SPTB: variants seen among roughly 807,000 people sequenced by gnomAD.
SPTB encodes spectrin beta, erythrocytic, also known as spectrin beta chain, erythrocytic.
SPTB carries 45 observed loss-of-function variants against 256.2 expected under a neutral mutation model. The observed-to-expected ratio is 0.18, with a 90% CI of 0.14 to 0.23. The LOEUF (loss-of-function observed/expected upper bound fraction) is 0.23. SPTB is among the 10% of genes least tolerant of loss of function. The probability of loss-of-function intolerance (pLI) is 1.00; values close to 1 mark genes in which losing one functional copy is unlikely to be tolerated. For missense variants in SPTB, 2,715 were observed against 3,040.4 expected (o/e 0.89, Z 2.52); for synonymous variants, 1,231 against 1,243.1 (o/e 0.99, Z 0.21).
At position 64,775,041 on chromosome 14, in the gene SPTB, C is replaced by T; in HGVS notation, c.4842+84G>A. ...TGGCCTCACTCCTCACACAGTTGGACTCACAAGGCTCCCTACCGACAGCCA... is the reference window on the plus strand; with the variant it reads ...TGGCCTCACTCCTCACACAGTTGGATTCACAAGGCTCCCTACCGACAGCCA... On this transcript the variant is annotated intron_variant, in intron 23 of 35. Coordinates refer to ENST00000644917, the MANE Select transcript of SPTB (RefSeq NM_001355436.2). The surrounding 1 kb of genome is among the most constrained non-coding windows in gnomAD (Gnocchi z 5.0). 2.5e-6 allele frequency: 4 copies of T among 1,596,466 alleles called. No homozygotes were observed. Among genetic ancestry groups the T allele is most frequent in the Non-Finnish European group, 3.4e-6 (4 of 1,167,018 alleles).
At chr14:64,831,133 C>A (rs1361883777) in intron 1 of SPTB, among the ~76,000 whole-genome samples, 1 of 152,046 alleles carries the variant, frequency 6.6e-6, no homozygotes, top group Non-Finnish European at 1.5e-5. Context: ...ACCAACTCCC[C>A]CTCCTCAGTC....
chr14:64,847,529 T>C lies in SPTB; in HGVS notation c.-51-24384A>G, dbSNP rs562878762. ...TGGTGCTAGCTCCTTTCAAGCTACA[T>C]TGGCTTTGGATCAGAACGTCAACTC... is the stretch of plus-strand genomic sequence containing the variant. On this transcript the variant is annotated intron_variant, in intron 1 of 35. Transcript: ENST00000644917. The surrounding 1 kb of genome is among the most constrained non-coding windows in gnomAD (Gnocchi z 5.9). 6.6e-5 allele frequency among the ~76,000 whole-genome samples: 10 copies of C among 152,254 alleles called. No homozygotes were observed. The highest frequency in any genetic ancestry group is 2.0e-4 in the Admixed American group (3 of 15,294).
intron 12 of SPTB, 22 bp from the exon 13 acceptor site, chr14:64,794,639 A>G: frequency 6.2e-7 from 1 of 1,612,132 alleles, no homozygotes; most frequent in East Asian, 2.2e-5. Context: ...AACAGCAGAA[A>G]GGAAATGAGG....
chr14:64,778,847 T>A lies in SPTB; in HGVS notation c.4563+310A>T, dbSNP rs1300263764. ...CTGGATACACCGAATACACAGCTAC[T>A]GAAGCACATCAACCTCCAGGCCAGG... On this transcript the variant is annotated intron_variant, in intron 22 of 35. Transcript: ENST00000644917. This position sits in a 1 kb window ranked among gnomAD's most constrained non-coding sequence, Gnocchi z 5.2. Among the ~76,000 whole-genome samples, 8 of 152,220 alleles carry A rather than the reference T, an allele frequency of 5.3e-5. No individual in the cohort carries two copies. The highest frequency in any genetic ancestry group is 1.2e-4 in the African/African-American group (5 of 41,528).
Position 64,801,419 on chromosome 14 carries a change from T to G in SPTB, c.648-19A>C, listed in dbSNP as rs756538530. 1 of 1,586,650 alleles carries G rather than the reference T, an allele frequency of 6.3e-7. No individual in the cohort carries two copies. On this transcript the variant is annotated intron_variant, in intron 6 of 35. Coordinates refer to ENST00000644917, the MANE Select transcript of SPTB (RefSeq NM_001355436.2). The stretch of plus-strand genomic sequence containing the variant: ...GTCGGGCCTGGGGACAAAACTGGAC[T>G]GTGAAAAGGGAGTAGCCACAGCATC...
chr14:64,865,202 A>G (rs936665652), intron 1 of SPTB, among the ~76,000 whole-genome samples: 1 of 152,070 alleles, frequency 6.6e-6, no homozygotes, highest in African/African-American at 2.4e-5. Flanking sequence ...TATAGACTGT[A>G]ATGATCACTT....
Position 64,801,762 on chromosome 14 carries a change from G to A in SPTB, c.639C>T (p.His213=). ...TGTCCCCTCCCTCTTACCGGTGCTT[G>A]TGTATCAGGGCATTAAAGGCCAAGC... is the stretch of plus-strand genomic sequence containing the variant. ...KDGLAFNALI[H]KHRPDLIDFD... is the part of the protein sequence containing the mutation. The change falls in exon 6 of 36, where the codon CAC becomes CAT. Residue 213 remains histidine, a synonymous_variant. Transcript: ENST00000644917. 1.9e-6 allele frequency: 3 copies of A among 1,614,128 alleles called. No homozygotes were observed. The highest frequency in any genetic ancestry group is 1.3e-5 in the African/African-American group (1 of 75,058).
rs1478386988 is a variant in SPTB, at chr14:64,779,307, C to G, written c.4474-61G>C. ...AATCACGGCCAACCTTTCCTGAGTG[C>G]TCACCATGGGCGGCGCAGAGCTTTG... On this transcript the variant is annotated intron_variant, in intron 21 of 35. Coordinates refer to ENST00000644917, the MANE Select transcript of SPTB (RefSeq NM_001355436.2). The surrounding 1 kb of genome is among the most constrained non-coding windows in gnomAD (Gnocchi z 4.2). The G allele has an allele frequency of 1.2e-5, 17 of 1,412,370 alleles. No homozygotes were observed. The highest frequency in any genetic ancestry group is 1.7e-5 in the Non-Finnish European group (17 of 1,007,868). 87.5% of individuals were successfully genotyped at this position (1,412,370 alleles called of 1,614,324 possible).
At chr14:64,874,509 T>G (rs974736507) in intron 1 of SPTB, among the ~76,000 whole-genome samples, 1 of 152,246 alleles carries the variant, frequency 6.6e-6, no homozygotes, top group Admixed American at 6.5e-5. Context: ...CTATGACTTA[T>G]GACTCGAAGT....
intron 15 of SPTB, among the ~76,000 whole-genome samples, chr14:64,787,773 T>C (rs1014617216): frequency 2.6e-5 from 4 of 152,222 alleles, no homozygotes; most frequent in African/African-American, 9.6e-5. Flanking sequence ...TGCTATGAAA[T>C]ACGGAAATGT....
At position 64,826,106 on chromosome 14, in the gene SPTB, C is replaced by A. The variant is rs1459313378; in HGVS notation, c.-51-2961G>T. Among the ~76,000 whole-genome samples, 1 of 152,236 alleles carries A rather than the reference C, an allele frequency of 6.6e-6. No individual in the cohort carries two copies. The highest frequency in any genetic ancestry group is 1.5e-5 in the Non-Finnish European group (1 of 68,038). On this transcript the variant is annotated intron_variant, in intron 1 of 35. Coordinates refer to ENST00000644917, the MANE Select transcript of SPTB (RefSeq NM_001355436.2). The surrounding 1 kb of genome is among the most constrained non-coding windows in gnomAD (Gnocchi z 4.4). ...TCCCCTGCCATGCCCACCCCAGGCC[C>A]TGCCCAGATGGCATTCCATCAGAGT...
rs188112243 is a variant in SPTB at position 64,797,795 on chromosome 14, C to G, written c.1116G>C (p.Arg372=). The part of the protein sequence containing the change: ...LEVLLFTIQS[R]MRANNQKVYT... ...ACACTTTCTGATTGTTGGCTCTCAT[C>G]CGGGACTGGATGGTAAAAAGTAGAA... Residue 372 remains arginine (R), a synonymous_variant, in exon 10 of 36, where the codon CGG becomes CGC. Transcript: ENST00000644917. 6 of 1,614,176 alleles carry G rather than the reference C, an allele frequency of 3.7e-6. No individual in the cohort carries two copies. The East Asian group carries it at 1.3e-4, about 36-fold the overall frequency.
At chr14:64,838,210 G>A (rs2083555588) in intron 1 of SPTB, among the ~76,000 whole-genome samples, 1 of 152,044 alleles carries the variant, frequency 6.6e-6, no homozygotes, top group Non-Finnish European at 1.5e-5. Flanking sequence ...ACATCCATAT[G>A]CAAAAAAAGT....
chr14:64,787,525 T>A (rs1255970873), intron 15 of SPTB, among the ~76,000 whole-genome samples: 1 of 152,176 alleles, frequency 6.6e-6, no homozygotes. Context: ...AGGCTCACAT[T>A]AACTTCAAGA....
chr14:64,840,185 A>T (rs2083585431), intron 1 of SPTB, among the ~76,000 whole-genome samples: 1 of 152,214 alleles, frequency 6.6e-6, no homozygotes, highest in African/African-American at 2.4e-5. Context: ...TCCATGATGT[A>T]CCCATTCAGA....
At chr14:64,870,098 A>G (rs1368891172) in intron 1 of SPTB, among the ~76,000 whole-genome samples, 1 of 152,116 alleles carries the variant, frequency 6.6e-6, no homozygotes, top group Non-Finnish European at 1.5e-5. Flanking sequence ...ACAAAACAAG[A>G]TGATCCACCT....
chr14:64,879,127 T>C (rs1882980513), intron 1 of SPTB, among the ~76,000 whole-genome samples: 1 of 152,026 alleles, frequency 6.6e-6, no homozygotes, highest in Admixed American at 6.5e-5. Flanking sequence ...CGGAGAAGCT[T>C]AGAGGAAGAG....
chr14:64,859,261 AAAAT>A (rs985858091), intron 1 of SPTB, among the ~76,000 whole-genome samples: 3 of 152,366 alleles, frequency 2.0e-5, no homozygotes, highest in East Asian at 3.9e-4. Context: ...CTCAGAAGAA[AAAAT>A]AAATAAATAA....
chr14:64,839,554 C>T (rs1204968023), intron 1 of SPTB, among the ~76,000 whole-genome samples: 1 of 152,082 alleles, frequency 6.6e-6, no homozygotes, highest in South Asian at 2.1e-4. Flanking sequence ...GTGAATTTTA[C>T]TGTATGTAAA....
Sources: gnomAD v4.1 joint callset for allele counts (sites outside exome capture counted in the v4.1 genomes callset) on GRCh38, gnomAD v4.1.1 for gene constraint, Gnocchi (gnomAD v3.1) non-coding constraint, MANE v1.5 for transcripts, NCBI Gene and HGNC (gene_info 2026-07-23, HGNC 2026-07-21) for gene names.